The following ST18 variants were observed in gnomAD, a reference collection of about 807,000 sequenced individuals.
ST18 encodes the protein ST18 C2H2C-type zinc finger transcription factor, also known as suppression of tumorigenicity 18 protein.
ST18 carries 50 observed loss-of-function variants against 110.0 expected under a neutral mutation model. The observed-to-expected ratio is 0.45, with a 90% CI of 0.36 to 0.58. ST18 has a LOEUF of 0.58. Ranked by LOEUF, ST18 falls within the 20% of genes least tolerant of loss-of-function variation. The probability of loss-of-function intolerance (pLI) is 0.00; values close to 1 mark genes in which losing one functional copy is unlikely to be tolerated. For missense variants in ST18, 1,306 were observed against 1,280.1 expected (o/e 1.02, Z -0.31); for synonymous variants, 461 against 452.4 (o/e 1.02, Z -0.24).
chr8:52,398,325 T>C (rs1841850282), intron 2 of ST18, among the ~76,000 whole-genome samples: 1 of 152,198 alleles, frequency 6.6e-6, no homozygotes, highest in South Asian at 2.1e-4. Flanking sequence ...CTGTGGAATC[T>C]ACGGGGCTTT....
intron 2 of ST18, among the ~76,000 whole-genome samples, chr8:52,402,676 TC>T (rs1257309827): frequency 6.6e-6 from 1 of 152,054 alleles, no homozygotes; most frequent in Non-Finnish European, 1.5e-5. Flanking sequence ...AGTAGGTCAG[TC>T]TCTGTGACGC....
intron 8 of ST18, among the ~76,000 whole-genome samples, chr8:52,182,824 A>G (rs1587936533): frequency 6.6e-6 from 1 of 152,052 alleles, no homozygotes; most frequent in Non-Finnish European, 1.5e-5. Context: ...GAGAAAGAGG[A>G]GATTTATTTT....
At chr8:52,278,689 A>C (rs972431889) in intron 2 of ST18, among the ~76,000 whole-genome samples, 2 of 152,222 alleles carry the variant, frequency 1.3e-5, no homozygotes, top group African/African-American at 4.8e-5. Flanking sequence ...AGTAACTGAA[A>C]GAAAACTGTC....
chr8:52,227,480 A>G (rs912311889), intron 3 of ST18, among the ~76,000 whole-genome samples: 15 of 152,204 alleles, frequency 9.9e-5, no homozygotes, highest in African/African-American at 2.9e-4. Flanking sequence ...AGAGATTCAG[A>G]GAACTATGAC....
chr8:52,172,559 T>C lies in ST18; in HGVS notation c.302A>G (p.Asp101Gly). ...TTGTGCAGTTGAAAGAAGACTTTCATCCATAGGTTTTATCATGATTTCCTC... is the reference window on the plus strand; with the variant it reads ...TTGTGCAGTTGAAAGAAGACTTTCACCCATAGGTTTTATCATGATTTCCTC... ...TAEEIMIKPM[D>G]ESLLSTAQEN... Residue 101 changes from aspartate to glycine, a missense_variant, in exon 10 of 26, where the codon GAT (aspartate) becomes GGT (glycine). Asp to Gly is a moderately conservative substitution (Grantham distance 94). Transcript: ENST00000689386. 1 of 1,585,712 alleles carries C rather than the reference T, an allele frequency of 6.3e-7. No individual in the cohort carries two copies. The highest frequency in any genetic ancestry group is 8.6e-7 in the Non-Finnish European group (1 of 1,169,250).
chr8:52,123,652 T>A (rs28378328), intron 23 of ST18, among the ~76,000 whole-genome samples: 1,858 of 152,322 alleles, frequency 0.012, 37 homozygotes, highest in African/African-American at 0.042. Flanking sequence ...GTCAATGGGT[T>A]CAACCCAGCT....
At chr8:52,137,564 G>C in intron 17 of ST18, 81 bp from the exon 18 acceptor site, 2 of 1,418,690 alleles carry the variant, frequency 1.4e-6, no homozygotes, top group East Asian at 2.3e-5. Context: ...TACGGAGGAG[G>C]TAGCTTCTCT....
rs534937382 is a variant in ST18, at chr8:52,110,935, A to G, written c.*2263T>C. 2.5e-6 allele frequency: 1 copy of G among 397,688 alleles called. No individual in the cohort carries two copies. The highest frequency in any genetic ancestry group is 1.3e-4 in the South Asian group (1 of 7,724). The allele number at this position is 397,688 out of a possible 1,614,324, so 24.6% of individuals were successfully genotyped here. A position where few individuals can be genotyped will look rare whatever the true frequency, so the allele number is the denominator to read the frequency against. ...AGAAATATTAAGTGTTTGGAGAAACAGTATACAAACAAACTACCTCAAATT... is the reference window on the plus strand; with the variant it reads ...AGAAATATTAAGTGTTTGGAGAAACGGTATACAAACAAACTACCTCAAATT... On this transcript the variant is annotated 3_prime_UTR_variant, in exon 26 of 26. Coordinates refer to ENST00000689386, the MANE Select transcript of ST18 (RefSeq NM_001352837.2).
At chr8:52,327,525 A>T (rs1807052675) in intron 2 of ST18, among the ~76,000 whole-genome samples, 1 of 152,176 alleles carries the variant, frequency 6.6e-6, no homozygotes, top group Non-Finnish European at 1.5e-5. Flanking sequence ...AATTTCCAAC[A>T]TCTCTGGTTA....
chr8:52,230,152 C>T (rs1236987542), intron 2 of ST18, 75 bp from the exon 3 acceptor site: 1 of 152,218 alleles, frequency 6.6e-6, no homozygotes, highest in Non-Finnish European at 1.5e-5. Flanking sequence ...TATTTATCTA[C>T]AGCTTATTAA....
At chr8:52,268,242 T>C (rs1040964826) in intron 2 of ST18, among the ~76,000 whole-genome samples, 8 of 152,334 alleles carry the variant, frequency 5.3e-5, no homozygotes, top group Middle Eastern at 6.8e-3. Flanking sequence ...AAGAGTTGTC[T>C]GCAAGTTTTA....
At chr8:52,184,857 G>T (rs1207906035) in intron 8 of ST18, among the ~76,000 whole-genome samples, 1 of 152,130 alleles carries the variant, frequency 6.6e-6, no homozygotes, top group East Asian at 1.9e-4. Flanking sequence ...AAATTTTCAT[G>T]GAAAATTCAT....
chr8:52,393,196 A>G (rs1247674992), intron 2 of ST18, among the ~76,000 whole-genome samples: 1 of 152,204 alleles, frequency 6.6e-6, no homozygotes, highest in Non-Finnish European at 1.5e-5. Context: ...GGTACAATCC[A>G]CACATCTATT....
intron 2 of ST18, among the ~76,000 whole-genome samples, chr8:52,346,686 G>A (rs899337112): frequency 3.3e-5 from 5 of 152,144 alleles, no homozygotes; most frequent in African/African-American, 1.2e-4. Context: ...AAGCTTTGAA[G>A]GAAAATATTT....
chr8:52,265,860 T>C (rs996881032), intron 2 of ST18, among the ~76,000 whole-genome samples: 2 of 152,162 alleles, frequency 1.3e-5, no homozygotes, highest in African/African-American at 2.4e-5. Flanking sequence ...AGGGACTGGA[T>C]AAGATTCCAC....
intron 2 of ST18, among the ~76,000 whole-genome samples, chr8:52,353,295 C>T (rs1361914471): frequency 6.6e-6 from 1 of 152,190 alleles, no homozygotes; most frequent in Non-Finnish European, 1.5e-5. Context: ...AAAATAAGCA[C>T]AATCTTTCTT....
At chr8:52,367,354 G>A (rs574778910) in intron 2 of ST18, among the ~76,000 whole-genome samples, 1 of 152,036 alleles carries the variant, frequency 6.6e-6, no homozygotes, top group East Asian at 1.9e-4. Flanking sequence ...CCCGGGAGGC[G>A]GAGGTTGCAG....
intron 2 of ST18, among the ~76,000 whole-genome samples, chr8:52,397,958 T>C (rs191599193): frequency 6.6e-6 from 1 of 151,150 alleles, no homozygotes; most frequent in Non-Finnish European, 1.5e-5. Flanking sequence ...AATTTTAGAG[T>C]TTTTTTTTCA....
At chr8:52,284,627 A>C (rs1231625985) in intron 2 of ST18, among the ~76,000 whole-genome samples, 35 of 152,058 alleles carry the variant, frequency 2.3e-4, no homozygotes. Context: ...TCCTCTGGGA[A>C]CACCAGGTTT....
Sources: allele counts gnomAD v4.1 joint callset (sites outside exome capture counted in the v4.1 genomes callset), GRCh38; gene constraint gnomAD v4.1.1; transcripts MANE v1.5; gene names NCBI Gene and HGNC (gene_info 2026-07-23, HGNC 2026-07-21).